Variants in ARHGAP28 observed in about 807,000 individuals in gnomAD.
The protein encoded by ARHGAP28 is Rho GTPase activating protein 28, also known as rho GTPase-activating protein 28.
A neutral mutation model predicts 90.7 loss-of-function variants in ARHGAP28; 56 were observed. The observed-to-expected ratio is 0.62, with a 90% CI of 0.50 to 0.77. ARHGAP28 has a LOEUF of 0.77. Among genes scored for constraint, ARHGAP28 ranks in the 30% least tolerant of loss-of-function variants. ARHGAP28 has a pLI of 0.00. For synonymous variants in ARHGAP28, 308 were observed against 323.3 expected (o/e 0.95, Z 0.51); for missense variants, 869 against 900.9 (o/e 0.96, Z 0.45).
At chr18:6,857,521 C>T (rs1299487976) in intron 4 of ARHGAP28, among the ~76,000 whole-genome samples, 3 of 152,186 alleles carry the variant, frequency 2.0e-5, no homozygotes, top group Non-Finnish European at 4.4e-5. Context: ...TGCACGCCTC[C>T]CGCTGGGTGG....
intron 1 of ARHGAP28, among the ~76,000 whole-genome samples, chr18:6,755,874 T>C (rs2143290037): frequency 6.6e-6 from 1 of 152,366 alleles, no homozygotes; most frequent in African/African-American, 2.4e-5. Flanking sequence ...AGGTCTCAAA[T>C]ATTTTGGTTC....
chr18:6,733,729 A>C (rs2143117134), intron 1 of ARHGAP28, among the ~76,000 whole-genome samples: 1 of 152,346 alleles, frequency 6.6e-6, no homozygotes, highest in African/African-American at 2.4e-5. Context: ...CAAACTTTTA[A>C]GTAGTTTAAA....
At chr18:6,839,348 C>T (rs1311729493) in intron 3 of ARHGAP28, among the ~76,000 whole-genome samples, 5 of 144,368 alleles carry the variant, frequency 3.5e-5, no homozygotes, top group Admixed American at 1.5e-4. Flanking sequence ...GGCTGGAGTG[C>T]AGTGGCGCAA....
Position 6,833,955 on chromosome 18 carries a change from G to A in ARHGAP28, c.326-3242G>A, listed in dbSNP as rs1256529166. 3.9e-5 allele frequency among the ~76,000 whole-genome samples: 6 copies of A among 152,042 alleles called. No individual in the cohort carries two copies. The South Asian group carries it at 1.2e-3, about 32-fold the overall frequency. On this transcript the variant is annotated intron_variant, in intron 2 of 17. Transcript: ENST00000383472. ...GAGTCAGTTAGGGAATATATATGGA[G>A]ACTCTAAGCATCCCATTTAAAAACA...
At chr18:6,823,960 C>G (rs1043895100) in intron 1 of ARHGAP28, among the ~76,000 whole-genome samples, 1 of 152,030 alleles carries the variant, frequency 6.6e-6, no homozygotes, top group Non-Finnish European at 1.5e-5. Context: ...AAAGCTGCCC[C>G]ATTTTACATT....
At chr18:6,791,960 G>A (rs549601153) in intron 1 of ARHGAP28, among the ~76,000 whole-genome samples, 9 of 151,908 alleles carry the variant, frequency 5.9e-5, no homozygotes, top group African/African-American at 1.2e-4. Context: ...CACCATGCCC[G>A]GCTAATTTTT....
rs373428392 is a variant in ARHGAP28, at chr18:6,747,228, A to G, written c.122+17285A>G. Among the ~76,000 whole-genome samples, 23 of 152,252 alleles carry G rather than the reference A, an allele frequency of 1.5e-4. No individual in the cohort carries two copies. In the East Asian group the frequency reaches 2.5e-3, roughly 17 times the overall value. ...TTTCTTGTTTAGTACTGTATCCTCT[A>G]AAGAGGAAACAGGGTTTGCTTCATG... On this transcript the variant is annotated intron_variant, in intron 1 of 17. Transcript: ENST00000383472.
intron 16 of ARHGAP28, among the ~76,000 whole-genome samples, chr18:6,907,040 T>C (rs917900631): frequency 2.0e-5 from 3 of 152,082 alleles, no homozygotes; most frequent in Non-Finnish European, 2.9e-5. Flanking sequence ...AAATGGCAAA[T>C]ATGCCCATGA....
chr18:6,781,699 T>C (rs1430462815), intron 1 of ARHGAP28, among the ~76,000 whole-genome samples: 1 of 152,210 alleles, frequency 6.6e-6, no homozygotes, highest in Admixed American at 6.5e-5. Context: ...TGACACACTG[T>C]GGCATTGTTC....
chr18:6,776,715 G>A (rs2056286637), intron 1 of ARHGAP28, among the ~76,000 whole-genome samples: 2 of 152,168 alleles, frequency 1.3e-5, no homozygotes, highest in East Asian at 1.9e-4. Flanking sequence ...TTTGAGACAA[G>A]GAGAAACGGG....
intron 1 of ARHGAP28, among the ~76,000 whole-genome samples, chr18:6,809,110 C>T (rs1432470913): frequency 1.3e-5 from 2 of 152,342 alleles, no homozygotes; most frequent in East Asian, 3.9e-4. Context: ...GGAAATTCCT[C>T]TAAGTAGAAA....
chr18:6,752,009 T>C (rs2056073352), intron 1 of ARHGAP28, among the ~76,000 whole-genome samples: 1 of 152,108 alleles, frequency 6.6e-6, no homozygotes, highest in Admixed American at 6.6e-5. Context: ...ATTCATAAAA[T>C]AATGTTTAAT....
Position 6,862,644 on chromosome 18 carries a change from AT to A in ARHGAP28, c.726+2753del, listed in dbSNP as rs965076232. ...AAATTTCCTTTGGCCCTTCTTAGAA[AT>A]TTTTTCTTCCAGATGAACATAGAAA... On this transcript the variant is annotated intron_variant, in intron 5 of 17. Transcript: ENST00000383472. Among the ~76,000 whole-genome samples, 6 of 152,146 alleles carry A rather than the reference AT, an allele frequency of 3.9e-5. 1 individual carries two copies. The highest frequency in any genetic ancestry group is 2.0e-4 in the Admixed American group (3 of 15,294).
At chr18:6,886,988 C>G (rs2057226848) in intron 11 of ARHGAP28, among the ~76,000 whole-genome samples, 169 bp from the exon 12 acceptor site, 1 of 152,158 alleles carries the variant, frequency 6.6e-6, no homozygotes, top group Admixed American at 6.5e-5. Context: ...AGTTGATGGA[C>G]AGAGGCTCCT....
Position 6,754,539 on chromosome 18 carries a change from T to C in ARHGAP28, c.122+24596T>C, listed in dbSNP as rs545240133. 12 of 152,310 alleles carry C rather than the reference T, an allele frequency of 7.9e-5. No individual in the cohort carries two copies. The East Asian group carries it at 2.1e-3, about 27-fold the overall frequency. The allele number at this position is 152,310 out of a possible 1,614,324, so 9.4% of individuals were successfully genotyped here. ...AATTCACCGATGGCATGAAGTAGCT[T>C]TCCAGAACTAGTGACCAACTGTGCC... On this transcript the variant is annotated intron_variant, in intron 1 of 17. Coordinates refer to ENST00000383472, the MANE Select transcript of ARHGAP28 (RefSeq NM_001366230.1).
At chr18:6,827,366 T>C (rs1177361833) in intron 2 of ARHGAP28, among the ~76,000 whole-genome samples, 15 of 120,270 alleles carry the variant, frequency 1.2e-4, no homozygotes, top group Non-Finnish European at 1.9e-4. Flanking sequence ...GGGCGGAGGG[T>C]TGACCCCCCC....
chr18:6,792,927 A>C (rs2056416533), intron 1 of ARHGAP28, among the ~76,000 whole-genome samples: 1 of 152,200 alleles, frequency 6.6e-6, no homozygotes, highest in Non-Finnish European at 1.5e-5. Context: ...TGTTCCCTAA[A>C]GCTACTTCCA....
At chr18:6,756,871 T>G (rs2056114711) in intron 1 of ARHGAP28, among the ~76,000 whole-genome samples, 1 of 152,186 alleles carries the variant, frequency 6.6e-6, no homozygotes, top group African/African-American at 2.4e-5. Context: ...CACAAGACTC[T>G]GCAAGTCCAC....
At chr18:6,909,783 G>A (rs545539953) in intron 17 of ARHGAP28, among the ~76,000 whole-genome samples, 2 of 152,112 alleles carry the variant, frequency 1.3e-5, no homozygotes, top group East Asian at 1.9e-4. Flanking sequence ...AAACTTCCCC[G>A]CTTGGTCTGT....
Sources: gnomAD v4.1 joint callset for allele counts (sites outside exome capture counted in the v4.1 genomes callset) on GRCh38, gnomAD v4.1.1 for gene constraint, MANE v1.5 for transcripts, NCBI Gene and HGNC (gene_info 2026-07-23, HGNC 2026-07-21) for gene names.